The following PLPPR4 variants were observed in gnomAD, a reference collection of about 807,000 sequenced individuals.
The protein encoded by PLPPR4 is phospholipid phosphatase-related protein type 4.
PLPPR4 carries 24 observed loss-of-function variants against 56.6 expected under a neutral mutation model. That is an observed-to-expected ratio of 0.42 (90% CI 0.31 to 0.60). The LOEUF is 0.60. Among genes scored for constraint, PLPPR4 ranks in the 20% least tolerant of loss-of-function variants. The pLI is 0.13. For synonymous variants in PLPPR4, 326 were observed against 328.1 expected, an observed-to-expected ratio of 0.99 and a Z score of 0.07; for missense variants, 654 against 885.8, an observed-to-expected ratio of 0.74 and a Z score of 3.32.
intron 3 of PLPPR4, chr1:99,298,747 T>C (rs819911): frequency 0.54 from 320,332 of 590,548 alleles, 88,926 homozygotes; most frequent in African/African-American, 0.72. Context: ...CCTTAGCATG[T>C]TCCAAGTGTC....
intron 1 of PLPPR4, among the ~76,000 whole-genome samples, chr1:99,267,342 G>C (rs1658925361): frequency 6.6e-6 from 1 of 152,218 alleles, no homozygotes; most frequent in Non-Finnish European, 1.5e-5. Context: ...ACTGAGTTGT[G>C]TCAGGAAAAT....
chr1:99,276,879 A>G (rs890092326), intron 1 of PLPPR4, among the ~76,000 whole-genome samples: 2 of 152,174 alleles, frequency 1.3e-5, no homozygotes, highest in African/African-American at 2.4e-5. Context: ...TGTGAAATGG[A>G]TGCCTAATGA....
intron 1 of PLPPR4, among the ~76,000 whole-genome samples, chr1:99,279,562 T>A (rs1456165): frequency 6.8e-4 from 104 of 152,304 alleles, no homozygotes; most frequent in African/African-American, 2.3e-3. Context: ...TTCCTGTTGT[T>A]GCCGTTGAAA....
intron 1 of PLPPR4, among the ~76,000 whole-genome samples, chr1:99,266,591 A>G (rs1015372987): frequency 6.6e-6 from 1 of 152,200 alleles, no homozygotes; most frequent in Non-Finnish European, 1.5e-5. Context: ...CATTACTTTT[A>G]CTTTGGCCTA....
chr1:99,306,007 G>A lies in PLPPR4; in HGVS notation c.1145G>A (p.Arg382Lys), dbSNP rs200214818. Reference sequence around the variant, plus strand: ...ACCCCATCTGTAGAAGACCCTGTCAGAAGAAATGCGAGCATTCATGCCTCT... The same window carrying A: ...ACCCCATCTGTAGAAGACCCTGTCAAAAGAAATGCGAGCATTCATGCCTCT... ...ANTPSVEDPV[R>K]RNASIHASMD... The change falls in exon 7 of 7, where the codon AGA (arginine) becomes AAA (lysine). Residue 382 changes from arginine to lysine, a missense_variant. Physicochemically the swap from Arg to Lys is conservative, Grantham distance 26. This residue lies in a region of PLPPR4 where 468 missense variants were observed against 554.3 expected (regional missense o/e 0.84). Coordinates refer to ENST00000370185, the MANE Select transcript of PLPPR4 (RefSeq NM_014839.5). This position sits in a 1 kb window ranked among gnomAD's most constrained non-coding sequence, Gnocchi z 4.0. 1 of 1,614,062 alleles carries A rather than the reference G, an allele frequency of 6.2e-7. No homozygotes were observed. The highest frequency in any genetic ancestry group is 8.5e-7 in the Non-Finnish European group (1 of 1,180,030).
chr1:99,280,863 A>G (rs1056469602), intron 1 of PLPPR4, among the ~76,000 whole-genome samples: 6 of 152,178 alleles, frequency 3.9e-5, no homozygotes, highest in Admixed American at 3.9e-4. Flanking sequence ...AGCAAAATCA[A>G]CCAAGACAGG....
At position 99,264,505 on chromosome 1, in the gene PLPPR4, G is replaced by T; in HGVS notation, c.-89G>T. ...GGGGAATGTGACATCAGCGGCGCCG[G>T]GCGCTTGGGGCTGGAGGAGGCAGCT... On this transcript the variant is annotated 5_prime_UTR_variant, in exon 1 of 7. Transcript: ENST00000370185. The T allele has an allele frequency of 6.5e-7, 1 of 1,542,684 alleles. No individual in the cohort carries two copies. Among genetic ancestry groups the T allele is most frequent in the Non-Finnish European group, 8.7e-7 (1 of 1,144,672 alleles).
At chr1:99,271,978 C>A (rs1413914692) in intron 1 of PLPPR4, among the ~76,000 whole-genome samples, 1 of 148,246 alleles carries the variant, frequency 6.7e-6, no homozygotes, top group East Asian at 2.0e-4. Context: ...ACCATGGAGA[C>A]CCCTTTAAAC....
At chr1:99,302,576 C>G (rs1659912169) in intron 6 of PLPPR4, among the ~76,000 whole-genome samples, 1 of 151,208 alleles carries the variant, frequency 6.6e-6, no homozygotes, top group Non-Finnish European at 1.5e-5. Flanking sequence ...AAGTTAGTTA[C>G]ATATGTATAC....
At chr1:99,293,065 C>T (rs1659662649) in intron 2 of PLPPR4, among the ~76,000 whole-genome samples, 1 of 152,158 alleles carries the variant, frequency 6.6e-6, no homozygotes, top group African/African-American at 2.4e-5. Flanking sequence ...CAGAACTCTC[C>T]GTTTGGGAAT....
At chr1:99,302,604 G>A (rs943985196) in intron 6 of PLPPR4, among the ~76,000 whole-genome samples, 1 of 150,334 alleles carries the variant, frequency 6.7e-6, no homozygotes, top group African/African-American at 2.4e-5. Context: ...ATGCTGGTGT[G>A]CTGCACCCAT....
chr1:99,304,920 C>T (rs1461051766), intron 6 of PLPPR4, among the ~76,000 whole-genome samples: 2 of 152,054 alleles, frequency 1.3e-5, no homozygotes, highest in Non-Finnish European at 2.9e-5. Context: ...GAACTTTAGC[C>T]TTTTTCCAAA....
chr1:99,285,792 C>T (rs1322042174), intron 1 of PLPPR4, among the ~76,000 whole-genome samples: 2 of 152,120 alleles, frequency 1.3e-5, no homozygotes, highest in Non-Finnish European at 2.9e-5. Context: ...TTCCTGTTTG[C>T]TTAAATAAAT....
chr1:99,289,892 T>A (rs915429578), intron 2 of PLPPR4, among the ~76,000 whole-genome samples: 1 of 152,078 alleles, frequency 6.6e-6, no homozygotes, highest in Admixed American at 6.6e-5. Flanking sequence ...AAGACAAGGA[T>A]GAACTCTCTC....
At chr1:99,301,958 T>C (rs2100809793) in intron 6 of PLPPR4, 61 bp downstream of exon 6, 4 of 1,254,770 alleles carry the variant, frequency 3.2e-6, no homozygotes, top group East Asian at 4.7e-5. Flanking sequence ...GCATAGAATA[T>C]TTTGCACTAT....
intron 1 of PLPPR4, among the ~76,000 whole-genome samples, chr1:99,269,231 C>G (rs2100782519): frequency 6.6e-6 from 1 of 152,298 alleles, no homozygotes; most frequent in African/African-American, 2.4e-5. Context: ...CAGCTTCATC[C>G]ATATCCCTGC....
intron 6 of PLPPR4, among the ~76,000 whole-genome samples, chr1:99,304,063 C>T (rs762301296): frequency 8.5e-5 from 13 of 152,178 alleles, no homozygotes; most frequent in South Asian, 2.1e-4. Flanking sequence ...TCTTCACCTA[C>T]AAAATAAAGA....
chr1:99,292,335 G>A (rs574515035), intron 2 of PLPPR4, among the ~76,000 whole-genome samples: 7 of 152,172 alleles, frequency 4.6e-5, no homozygotes, highest in South Asian at 2.1e-4. Flanking sequence ...ACTCCTTCTC[G>A]TCCTATAATA....
Position 99,307,082 on chromosome 1 carries a change from C to A in PLPPR4, c.*72C>A. 2.7e-6 allele frequency: 4 copies of A among 1,502,774 alleles called. No homozygotes were observed. Among genetic ancestry groups the A allele is most frequent in the East Asian group, 2.3e-5 (1 of 44,088 alleles). The allele number at this position is 1,502,774 out of a possible 1,614,324, so 93.1% of individuals were successfully genotyped here. On this transcript the variant is annotated 3_prime_UTR_variant, in exon 7 of 7. Transcript: ENST00000370185. ...TGATTCTACCTGTGTTCTGTTCCAG[C>A]GAATTGGGAAGTCTCACCAAGCTAG... is the stretch of plus-strand genomic sequence containing the variant.
Sources: allele counts gnomAD v4.1 joint callset (sites outside exome capture counted in the v4.1 genomes callset), GRCh38; gene constraint gnomAD v4.1.1; regional missense constraint gnomAD v4.1.1; non-coding constraint Gnocchi (gnomAD v3.1); transcripts MANE v1.5; gene names NCBI Gene and HGNC (gene_info 2026-07-23, HGNC 2026-07-21).